The following SRGAP1 variants were observed in gnomAD, a reference collection of about 807,000 sequenced individuals.
The protein encoded by SRGAP1 is SLIT-ROBO Rho GTPase-activating protein 1.
SRGAP1 carries 43 observed loss-of-function variants against 121.9 expected under a neutral mutation model. That is an observed-to-expected ratio of 0.35 (90% CI 0.28 to 0.46). The LOEUF (loss-of-function observed/expected upper bound fraction) is 0.46, where lower values mean the gene tolerates loss of function less well. SRGAP1 is among the 20% of genes least tolerant of loss of function. SRGAP1 has a pLI of 1.00. For missense variants in SRGAP1, 1,102 were observed against 1,350.9 expected (o/e 0.82, Z 2.89); for synonymous variants, 447 against 485.4 (o/e 0.92, Z 1.04).
intron 8 of SRGAP1, among the ~76,000 whole-genome samples, chr12:64,078,274 C>A (rs2035772846): frequency 6.6e-6 from 1 of 152,170 alleles, no homozygotes; most frequent in Non-Finnish European, 1.5e-5. Flanking sequence ...TAAAAAAAAT[C>A]ATCTATCAAT....
chr12:64,091,765 T>G, intron 12 of SRGAP1: 1 of 704,946 alleles, frequency 1.4e-6, no homozygotes. Context: ...AGCAGGAGTT[T>G]TGATTTCCCA....
At chr12:63,942,550 G>A (rs898851601) in intron 1 of SRGAP1, among the ~76,000 whole-genome samples, 1 of 152,156 alleles carries the variant, frequency 6.6e-6, no homozygotes, top group Non-Finnish European at 1.5e-5. Context: ...CAGGGATTCT[G>A]TGGGGTGCCT....
intron 15 of SRGAP1, among the ~76,000 whole-genome samples, chr12:64,098,182 C>A (rs2136596037): frequency 6.6e-6 from 1 of 152,106 alleles, no homozygotes; most frequent in Non-Finnish European, 1.5e-5. Context: ...ATCAACAAGT[C>A]CTATTGATCT....
chr12:64,111,719 T>G, intron 16 of SRGAP1, 43 bp from the exon 17 acceptor site: 1 of 1,501,852 alleles, frequency 6.7e-7, no homozygotes, highest in Non-Finnish European at 9.1e-7. Flanking sequence ...ATCCTTTTTT[T>G]CTCTTTGTTC....
intron 3 of SRGAP1, among the ~76,000 whole-genome samples, chr12:64,011,206 T>G (rs977749198): frequency 6.6e-6 from 1 of 152,014 alleles, no homozygotes; most frequent in African/African-American, 2.4e-5. Flanking sequence ...AAAATTGAAC[T>G]CTATCCTAAA....
At chr12:64,012,919 A>G (rs988187848) in intron 3 of SRGAP1, among the ~76,000 whole-genome samples, 6 of 151,528 alleles carry the variant, frequency 4.0e-5, no homozygotes, top group African/African-American at 1.5e-4. Flanking sequence ...TTTTTTCCTA[A>G]TAGAGACAAG....
chr12:64,078,959 A>T lies in SRGAP1; in HGVS notation c.1166A>T (p.Asp389Val). ...GAAGCCACCTTGCAGACGATACAAG[A>T]TATGGTCACCATCGAGGACTATGAT... ...TTEATLQTIQDMVTIEDYDVS... is the reference protein window; with the variant it reads ...TTEATLQTIQVMVTIEDYDVS... The change falls in exon 9 of 22, where the codon GAT becomes GTT. Residue 389 changes from aspartate (D) to valine (V), a missense_variant. Transcript: ENST00000355086. The T allele has an allele frequency of 6.2e-7, 1 of 1,614,028 alleles. No homozygotes were observed. The highest frequency in any genetic ancestry group is 8.5e-7 in the Non-Finnish European group (1 of 1,179,974).
intron 1 of SRGAP1, among the ~76,000 whole-genome samples, chr12:63,954,914 G>A (rs2032415768): frequency 6.6e-6 from 1 of 152,066 alleles, no homozygotes; most frequent in Admixed American, 6.5e-5. Flanking sequence ...TATGCAAAGT[G>A]TCCCAATTGT....
rs1418231898 is a variant in SRGAP1, at chr12:64,115,861, A to T, written c.2192A>T (p.Asp731Val). Residue 731 changes from aspartate to valine, a missense_variant, in exon 18 of 22, where the codon GAT becomes GTT. By Grantham distance (152) the Asp-to-Val change is radical. Transcript: ENST00000355086. ...EHGTLEEVDQ[D>V]AGTEPHTSED... The stretch of plus-strand genomic sequence containing the variant: ...GGTACATTGGAGGAAGTGGACCAAG[A>T]TGCTGGTACAGAGCCCCACACAAGT... The T allele has an allele frequency of 6.2e-7, 1 of 1,613,668 alleles. No homozygotes were observed. The highest frequency in any genetic ancestry group is 8.5e-7 in the Non-Finnish European group (1 of 1,179,770).
At chr12:63,925,298 A>G (rs919715576) in intron 1 of SRGAP1, among the ~76,000 whole-genome samples, 1 of 152,244 alleles carries the variant, frequency 6.6e-6, no homozygotes, top group Non-Finnish European at 1.5e-5. Flanking sequence ...GTCTCTCATC[A>G]GGGCAGACAA....
In SRGAP1 at chr12:64,153,666, G is replaced by C. The variant is rs2037141096; in HGVS notation, c.*10994G>C. On this transcript the variant is annotated 3_prime_UTR_variant, in exon 22 of 22. Coordinates refer to ENST00000355086, the MANE Select transcript of SRGAP1 (RefSeq NM_020762.4). ...AAACTCCAGAAAATAACAAGTATTG[G>C]CCAGGGTGTAGAGAAACTGACACCC... The C allele has an allele frequency of 6.6e-6, 1 of 152,050 alleles. No homozygotes were observed. The highest frequency in any genetic ancestry group is 6.6e-5 in the Admixed American group (1 of 15,254). The allele number at this position is 152,050 out of a possible 1,614,324, so 9.4% of individuals were successfully genotyped here.
chr12:64,102,819 C>T (rs2036279989), intron 15 of SRGAP1, among the ~76,000 whole-genome samples: 2 of 152,004 alleles, frequency 1.3e-5, no homozygotes, highest in African/African-American at 2.4e-5. Flanking sequence ...AAAATTATAT[C>T]GTACCAAGTG....
intron 2 of SRGAP1, among the ~76,000 whole-genome samples, chr12:63,985,697 G>A (rs1339970920): frequency 6.6e-6 from 1 of 152,196 alleles, no homozygotes. Flanking sequence ...TTGGGGCAGA[G>A]AAGATAAGGT....
intron 6 of SRGAP1, among the ~76,000 whole-genome samples, chr12:64,051,738 T>G (rs566636930): frequency 3.3e-5 from 5 of 152,298 alleles, no homozygotes; most frequent in Non-Finnish European, 7.4e-5. Context: ...CTATCAATAT[T>G]AGTTTGAATT....
chr12:64,127,756 C>T (rs572397908), intron 20 of SRGAP1, 32 bp downstream of exon 20: 1 of 1,611,158 alleles, frequency 6.2e-7, no homozygotes, highest in East Asian at 2.2e-5. Context: ...GGCCCCTAAG[C>T]CTCCGCTCCT....
chr12:63,981,818 T>G (rs1429256758), intron 1 of SRGAP1, among the ~76,000 whole-genome samples: 1 of 152,152 alleles, frequency 6.6e-6, no homozygotes, highest in Non-Finnish European at 1.5e-5. Flanking sequence ...CTGACCTTAT[T>G]GAGGGCAGAG....
At chr12:63,861,287 C>T (rs932469665) in intron 1 of SRGAP1, among the ~76,000 whole-genome samples, 1 of 137,720 alleles carries the variant, frequency 7.3e-6, no homozygotes, top group African/African-American at 2.8e-5. Context: ...GGATGGTAGG[C>T]ATATATATAT....
intron 15 of SRGAP1, among the ~76,000 whole-genome samples, chr12:64,104,984 TATC>T (rs1019485448): frequency 8.5e-5 from 13 of 152,052 alleles, no homozygotes; most frequent in Admixed American, 7.9e-4. Context: ...CATTCACAAT[TATC>T]ACCACTATCC....
intron 1 of SRGAP1, among the ~76,000 whole-genome samples, chr12:63,923,881 G>A (rs2031158643): frequency 6.6e-6 from 1 of 152,208 alleles, no homozygotes; most frequent in Non-Finnish European, 1.5e-5. Context: ...GGTGGCTCAC[G>A]CCTGTAATCC....
Sources: allele counts gnomAD v4.1 joint callset (sites outside exome capture counted in the v4.1 genomes callset), GRCh38; gene constraint gnomAD v4.1.1; transcripts MANE v1.5; gene names NCBI Gene and HGNC (gene_info 2026-07-23, HGNC 2026-07-21).